The following ARFGEF2 variants were observed in gnomAD, a reference collection of about 807,000 sequenced individuals.
ARFGEF2 encodes the protein brefeldin A-inhibited guanine nucleotide-exchange protein 2.
ARFGEF2 carries 74 observed loss-of-function variants against 219.9 expected under a neutral mutation model. That is an observed-to-expected ratio of 0.34 (90% CI 0.28 to 0.41). The LOEUF is 0.41. ARFGEF2 is among the 10% of genes least tolerant of loss of function. The probability of loss-of-function intolerance (pLI) is 1.00; values close to 1 mark genes in which losing one functional copy is unlikely to be tolerated. For synonymous variants in ARFGEF2, 733 were observed against 799.2 expected, an observed-to-expected ratio of 0.92 and a Z score of 1.40; for missense variants, 1,743 against 2,218.3, an observed-to-expected ratio of 0.79 and a Z score of 4.30.
At chr20:48,992,357 A>C (rs928454746) in intron 21 of ARFGEF2, among the ~76,000 whole-genome samples, 2 of 152,028 alleles carry the variant, frequency 1.3e-5, no homozygotes, top group Non-Finnish European at 2.9e-5. Context: ...TTTTGTTTAG[A>C]GAGAAAACTG....
rs372176306 is a variant in ARFGEF2, at chr20:49,025,389, T to C, written c.4832T>C (p.Leu1611Pro). 1 of 1,613,976 alleles carries C rather than the reference T, an allele frequency of 6.2e-7. No homozygotes were observed. Among genetic ancestry groups the C allele is most frequent in the Non-Finnish European group, 8.5e-7 (1 of 1,179,992 alleles). The change falls in exon 36 of 39, where the codon CTC (leucine) becomes CCC (proline). Residue 1611 changes from leucine (L) to proline (P), a missense_variant. Leu to Pro is a moderately conservative substitution (Grantham distance 98). Around this residue, in one of 5 missense-constraint regions of ARFGEF2, gnomAD observed 578 missense variants for 664.0 expected, o/e 0.87. Transcript: ENST00000371917. ...TATAAGTACATGTCTTCCCAGCACC[T>C]CTTCAAGCTGTTGGACTGTTTGCAG... Reference protein sequence around the residue: ...GMYKYMSSQHLFKLLDCLQES... With the variant: ...GMYKYMSSQHPFKLLDCLQES...
Position 48,965,961 on chromosome 20 carries a change from G to A in ARFGEF2, c.997G>A (p.Glu333Lys). The A allele has an allele frequency of 3.7e-6, 6 of 1,614,170 alleles. No homozygotes were observed. Among genetic ancestry groups the A allele is most frequent in the Non-Finnish European group, 5.1e-6 (6 of 1,180,006 alleles). Residue 333 changes from glutamate (E) to lysine (K), a missense_variant, in exon 8 of 39, where the codon GAA (glutamate) becomes AAA (lysine). Around this residue, in one of 5 missense-constraint regions of ARFGEF2, gnomAD observed 394 missense variants for 426.6 expected, o/e 0.92. Transcript: ENST00000371917. ...ATGTGCTATTCCCCCAGGAGTTGAT[G>A]AAAACTCACAGACCAACGGGATAGC... ...QECAIPPGVD[E>K]NSQTNGIADD...
chr20:48,991,076 T>C lies in ARFGEF2; in HGVS notation c.2851T>C (p.Phe951Leu). The change falls in exon 21 of 39, where the codon TTC becomes CTC. Residue 951 changes from phenylalanine to leucine, a missense_variant. Phe to Leu is a conservative substitution (Grantham distance 22). Coordinates refer to ENST00000371917, the MANE Select transcript of ARFGEF2 (RefSeq NM_006420.3). ...RDAYVQALAR[F>L]SLLTASSSIT... ...TGCCTATGTTCAGGCTCTTGCTCGCTTCTCCCTACTCACAGCCAGCTCCAG... is the reference window on the plus strand; with the variant it reads ...TGCCTATGTTCAGGCTCTTGCTCGCCTCTCCCTACTCACAGCCAGCTCCAG... 6.2e-7 allele frequency: 1 copy of C among 1,614,098 alleles called. No individual in the cohort carries two copies. The highest frequency in any genetic ancestry group is 8.5e-7 in the Non-Finnish European group (1 of 1,180,010).
intron 10 of ARFGEF2, 57 bp downstream of exon 10, chr20:48,971,411 T>A: frequency 1.6e-6 from 2 of 1,261,886 alleles, no homozygotes; most frequent in Non-Finnish European, 2.3e-6. Flanking sequence ...AGTCATTAAT[T>A]ATAATACTCA....
At chr20:48,947,797 A>G (rs2091037597) in intron 3 of ARFGEF2, among the ~76,000 whole-genome samples, 1 of 152,150 alleles carries the variant, frequency 6.6e-6, no homozygotes, top group Non-Finnish European at 1.5e-5. Context: ...CAGAGGTTGC[A>G]ATGAGCAGAG....
Position 49,035,668 on chromosome 20 carries a change from A to C in ARFGEF2, c.*2469A>C, listed in dbSNP as rs1555817542. ...ACCAAGTAATGGAGGAGAGTGAAAC[A>C]TTTTCCAAGGCCTTATTTCTTTTTC... On this transcript the variant is annotated 3_prime_UTR_variant, in exon 39 of 39. Transcript: ENST00000371917. 6.6e-6 allele frequency: 1 copy of C among 152,280 alleles called. No individual in the cohort carries two copies. The highest frequency in any genetic ancestry group is 1.5e-5 in the Non-Finnish European group (1 of 68,112). The allele number at this position is 152,280 out of a possible 1,614,324, so 9.4% of individuals were successfully genotyped here.
At position 49,036,544 on chromosome 20, in the gene ARFGEF2, C is replaced by G. The variant is rs1227234492; in HGVS notation, c.*3345C>G. On this transcript the variant is annotated 3_prime_UTR_variant, in exon 39 of 39. Coordinates refer to ENST00000371917, the MANE Select transcript of ARFGEF2 (RefSeq NM_006420.3). Reference sequence around the variant, plus strand: ...TAATTTAATGAAAACCATTCCTTGCCCAATGGATGTATAAATTTTTGAAAG... The same window carrying G: ...TAATTTAATGAAAACCATTCCTTGCGCAATGGATGTATAAATTTTTGAAAG... 2 of 271,182 alleles carry G rather than the reference C, an allele frequency of 7.4e-6. No individual in the cohort carries two copies. The highest frequency in any genetic ancestry group is 1.3e-4 in the East Asian group (2 of 15,720). 16.8% of individuals were successfully genotyped at this position (271,182 alleles called of 1,614,324 possible). A position where few individuals can be genotyped will look rare whatever the true frequency, so the allele number is the denominator to read the frequency against.
chr20:49,026,302 C>G (rs1324923854), intron 36 of ARFGEF2, among the ~76,000 whole-genome samples: 1 of 151,846 alleles, frequency 6.6e-6, no homozygotes, highest in African/African-American at 2.4e-5. Flanking sequence ...TGCACTGCAG[C>G]CTGGGTGACA....
At chr20:49,022,261 A>G (rs2091569850) in intron 34 of ARFGEF2, among the ~76,000 whole-genome samples, 1 of 152,096 alleles carries the variant, frequency 6.6e-6, no homozygotes, top group Non-Finnish European at 1.5e-5. Context: ...GCAGAAAGCA[A>G]CAAAACTGAG....
At chr20:48,976,373 G>A (rs1210738333) in intron 14 of ARFGEF2, among the ~76,000 whole-genome samples, 174 bp downstream of exon 14, 2 of 152,278 alleles carry the variant, frequency 1.3e-5, no homozygotes, top group East Asian at 3.9e-4. Flanking sequence ...GTGTGTGTCT[G>A]TGCACACAGA....
intron 1 of ARFGEF2, among the ~76,000 whole-genome samples, chr20:48,935,942 G>T (rs370039453): frequency 3.2e-4 from 41 of 129,680 alleles, no homozygotes; most frequent in Admixed American, 1.5e-3. Flanking sequence ...CTGGCCGGGG[G>T]GGGGGGCTGA....
intron 22 of ARFGEF2, among the ~76,000 whole-genome samples, chr20:48,995,218 A>T (rs1358840199): frequency 6.6e-6 from 1 of 152,214 alleles, no homozygotes; most frequent in African/African-American, 2.4e-5. Context: ...AAAAGATATG[A>T]GCAGCATCAT....
intron 8 of ARFGEF2, among the ~76,000 whole-genome samples, chr20:48,968,007 T>G (rs1600618936): frequency 2.0e-5 from 3 of 152,332 alleles, no homozygotes; most frequent in Admixed American, 2.0e-4. Flanking sequence ...TTATTTTATT[T>G]TTTTGAGTTG....
At chr20:49,022,164 AAAAAAAAAAAAATGTTAACTAG>A (rs1268411450) in intron 34 of ARFGEF2, among the ~76,000 whole-genome samples, 1 of 151,798 alleles carries the variant, frequency 6.6e-6, no homozygotes. Flanking sequence ...CAAAAAAAAA[AAAAAAAAAAAAATGTTAACTAG>A]TCAAAGGTTG....
intron 7 of ARFGEF2, among the ~76,000 whole-genome samples, chr20:48,964,382 G>A (rs765723724): frequency 6.6e-6 from 1 of 152,196 alleles, no homozygotes; most frequent in African/African-American, 2.4e-5. Context: ...TTCAGCCTGG[G>A]TGACAGAGCG....
intron 34 of ARFGEF2, among the ~76,000 whole-genome samples, chr20:49,022,133 T>G (rs2091568574): frequency 8.5e-6 from 1 of 117,568 alleles, no homozygotes; most frequent in South Asian, 2.6e-4. Context: ...CCAGCCAGGG[T>G]GACAAAGCGA....
intron 36 of ARFGEF2, among the ~76,000 whole-genome samples, 193 bp from the exon 37 acceptor site, chr20:49,028,337 T>C (rs1249072902): frequency 1.3e-5 from 2 of 152,172 alleles, no homozygotes; most frequent in Non-Finnish European, 1.5e-5. Flanking sequence ...AGGAGGATCA[T>C]TGAGCCCAGA....
chr20:48,941,317 C>A, intron 2 of ARFGEF2, 88 bp downstream of exon 2: 1 of 1,381,590 alleles, frequency 7.2e-7, no homozygotes, highest in South Asian at 1.2e-5. Context: ...CTTGGTTTCT[C>A]ATATTTCTAA....
At chr20:48,931,725 G>C (rs142993112) in intron 1 of ARFGEF2, among the ~76,000 whole-genome samples, 2 of 152,158 alleles carry the variant, frequency 1.3e-5, no homozygotes, top group African/African-American at 4.8e-5. Context: ...AGGCCCCGGG[G>C]CAGAAATGTG....
Sources: allele counts gnomAD v4.1 joint callset (sites outside exome capture counted in the v4.1 genomes callset), GRCh38; gene constraint gnomAD v4.1.1; regional missense constraint gnomAD v4.1.1; transcripts MANE v1.5; gene names NCBI Gene and HGNC (gene_info 2026-07-23, HGNC 2026-07-21).